CDH4: variants seen among roughly 807,000 people sequenced by gnomAD.
CDH4 encodes cadherin-4.
A neutral mutation model predicts 86.0 loss-of-function variants in CDH4; 33 were observed. The observed-to-expected ratio is 0.38, with a 90% CI of 0.29 to 0.51. The LOEUF (loss-of-function observed/expected upper bound fraction) is 0.51. Ranked by LOEUF, CDH4 falls within the 20% of genes least tolerant of loss-of-function variation. The pLI, the probability that CDH4 is intolerant of heterozygous loss-of-function variation, is 0.86. For synonymous variants in CDH4, 555 were observed against 549.4 expected, an observed-to-expected ratio of 1.01 and a Z score of -0.14; for missense variants, 1,114 against 1,307.4, an observed-to-expected ratio of 0.85 and a Z score of 2.28.
At chr20:61,455,234 A>G (rs1318334304) in intron 2 of CDH4, among the ~76,000 whole-genome samples, 2 of 152,236 alleles carry the variant, frequency 1.3e-5, no homozygotes, top group African/African-American at 4.8e-5. Flanking sequence ...TGGAAAGCAT[A>G]TACACTGCTT....
rs1218260052 is a variant in CDH4, at chr20:61,653,511, G to A, written c.170-90052G>A. Among the ~76,000 whole-genome samples the A allele has an allele frequency of 2.3e-3, 335 of 143,258 alleles. 5 individuals are homozygous for A. The highest frequency in any genetic ancestry group is 7.8e-3 in the African/African-American group (311 of 40,008). 94.0% of individuals were successfully genotyped at this position (143,258 alleles called of 152,430 possible). ...GGGCTCCTCACTTCCCAGTAGGGGC[G>A]GCCGGGCAGAGGCGCCCCTCACCTC... On this transcript the variant is annotated intron_variant, in intron 2 of 15. Coordinates refer to ENST00000614565, the MANE Select transcript of CDH4 (RefSeq NM_001794.5).
chr20:61,274,565 C>CAT, intron 2 of CDH4, among the ~76,000 whole-genome samples: 1 of 136,756 alleles, frequency 7.3e-6, no homozygotes. Flanking sequence ...GGGGGAGTAC[C>CAT]GTGCACAGCT....
chr20:61,671,013 A>T (rs1054932018), intron 2 of CDH4, among the ~76,000 whole-genome samples: 5 of 152,234 alleles, frequency 3.3e-5, no homozygotes, highest in South Asian at 2.1e-4. Flanking sequence ...TTACATGTAC[A>T]TATCAAATCC....
At position 61,359,496 on chromosome 20, in the gene CDH4, C is replaced by A. The variant is rs2084772252; in HGVS notation, c.169+104559C>A. Reference sequence around the variant, plus strand: ...ACAGGAGGAGGTTCCTTCCCACCACCTCCACGCGGCAGGTTTGAAGGGCGT... The same window carrying A: ...ACAGGAGGAGGTTCCTTCCCACCACATCCACGCGGCAGGTTTGAAGGGCGT... On this transcript the variant is annotated intron_variant, in intron 2 of 15. Transcript: ENST00000614565. Among the ~76,000 whole-genome samples, 5 of 152,220 alleles carry A rather than the reference C, an allele frequency of 3.3e-5. No individual in the cohort carries two copies. The South Asian group carries it at 1.0e-3, about 32-fold the overall frequency.
At chr20:61,857,584 C>T (rs1396607613) in intron 6 of CDH4, among the ~76,000 whole-genome samples, 1 of 152,270 alleles carries the variant, frequency 6.6e-6, no homozygotes, top group East Asian at 1.9e-4. Flanking sequence ...GGCCTGGCTT[C>T]GCAGCCCTCA....
At chr20:61,557,019 G>A (rs2086183111) in intron 2 of CDH4, among the ~76,000 whole-genome samples, 1 of 152,214 alleles carries the variant, frequency 6.6e-6, no homozygotes, top group South Asian at 2.1e-4. Context: ...CAAATGTGAG[G>A]TCATCCCTTG....
rs1982361531 is a variant in CDH4 at position 61,844,814 on chromosome 20, C to T, written c.723C>T (p.Ala241=). The T allele has an allele frequency of 1.9e-6, 3 of 1,612,096 alleles. No homozygotes were observed. Among genetic ancestry groups the T allele is most frequent in the Non-Finnish European group, 2.5e-6 (3 of 1,178,794 alleles). The stretch of plus-strand genomic sequence containing the variant: ...GGCCCATGGACCGGGAGGAGCACGC[C>T]TCTTACCACGTGAGTGTCCACACCC... ...VTRPMDREEH[A]SYHLRAHAVD... is the part of the protein sequence containing the mutation. The change falls in exon 5 of 16, where the codon GCC becomes GCT. Residue 241 remains alanine, a synonymous_variant. Transcript: ENST00000614565.
chr20:61,714,389 T>G (rs1307896206), intron 2 of CDH4, among the ~76,000 whole-genome samples: 1 of 152,160 alleles, frequency 6.6e-6, no homozygotes, highest in African/African-American at 2.4e-5. Context: ...TGGGTATTCA[T>G]GATATTTTAT....
chr20:61,622,185 G>A lies in CDH4; in HGVS notation c.170-121378G>A, dbSNP rs925869545. 2.6e-5 allele frequency among the ~76,000 whole-genome samples: 4 copies of A among 152,248 alleles called. No individual in the cohort carries two copies. In the East Asian group the frequency reaches 7.7e-4, roughly 29 times the overall value. ...TGCTCCACGTCTGTAACTGCGAAAC[G>A]CAGACTGCTCCTGTTGGCTGCATTT... On this transcript the variant is annotated intron_variant, in intron 2 of 15. Coordinates refer to ENST00000614565, the MANE Select transcript of CDH4 (RefSeq NM_001794.5).
At chr20:61,387,080 A>G (rs1271736724) in intron 2 of CDH4, among the ~76,000 whole-genome samples, 1 of 152,266 alleles carries the variant, frequency 6.6e-6, no homozygotes, top group Admixed American at 6.5e-5. Context: ...ATAAAAATAA[A>G]ATATATTCAC....
chr20:61,850,735 C>T (rs866014431), intron 5 of CDH4, among the ~76,000 whole-genome samples: 1 of 152,240 alleles, frequency 6.6e-6, no homozygotes, highest in Non-Finnish European at 1.5e-5. Context: ...CCCATGTTTG[C>T]GTGTTTCCTC....
intron 3 of CDH4, among the ~76,000 whole-genome samples, chr20:61,749,700 G>T (rs1434387965): frequency 6.6e-6 from 1 of 152,268 alleles, no homozygotes; most frequent in South Asian, 2.1e-4. Context: ...AAAACTACTG[G>T]GATGTAGCTA....
intron 9 of CDH4, among the ~76,000 whole-genome samples, chr20:61,922,307 G>T (rs1403238899): frequency 6.6e-6 from 1 of 152,174 alleles, no homozygotes; most frequent in Non-Finnish European, 1.5e-5. Context: ...CTTTTTCCAT[G>T]TAACTTCCCT....
At chr20:61,716,459 A>C (rs576448368) in intron 2 of CDH4, among the ~76,000 whole-genome samples, 48 of 151,608 alleles carry the variant, frequency 3.2e-4, no homozygotes, top group Non-Finnish European at 5.7e-4. Flanking sequence ...GGCAGGACCC[A>C]GCAGGAGGAA....
At chr20:61,413,667 A>C (rs1022164820) in intron 2 of CDH4, among the ~76,000 whole-genome samples, 1 of 152,134 alleles carries the variant, frequency 6.6e-6, no homozygotes, top group Non-Finnish European at 1.5e-5. Context: ...TGGGCCTTGC[A>C]CATAGTAGAT....
At chr20:61,284,488 C>T (rs1352231289) in intron 2 of CDH4, among the ~76,000 whole-genome samples, 1 of 152,218 alleles carries the variant, frequency 6.6e-6, no homozygotes, top group Non-Finnish European at 1.5e-5. Context: ...AGCCACATCA[C>T]AGAGGTCACA....
chr20:61,359,075 C>T (rs1369723498), intron 2 of CDH4, among the ~76,000 whole-genome samples: 1 of 152,162 alleles, frequency 6.6e-6, no homozygotes, highest in Non-Finnish European at 1.5e-5. Flanking sequence ...AATCAGCCAG[C>T]AAAGACACAT....
intron 4 of CDH4, among the ~76,000 whole-genome samples, chr20:61,775,367 C>G (rs1399547310): frequency 1.3e-5 from 2 of 151,900 alleles, no homozygotes; most frequent in African/African-American, 2.4e-5. Flanking sequence ...TTATTTAATG[C>G]CTTGTGCTTC....
At chr20:61,834,928 CAG>C (rs1408591953) in intron 4 of CDH4, among the ~76,000 whole-genome samples, 2 of 152,242 alleles carry the variant, frequency 1.3e-5, no homozygotes, top group Non-Finnish European at 2.9e-5. Context: ...AGACAGTTTT[CAG>C]AGAGTCTCTC....
Sources: gnomAD v4.1 joint callset for allele counts (sites outside exome capture counted in the v4.1 genomes callset) on GRCh38, gnomAD v4.1.1 for gene constraint, MANE v1.5 for transcripts, NCBI Gene and HGNC (gene_info 2026-07-23, HGNC 2026-07-21) for gene names.